MCTP1: variants seen among roughly 807,000 people sequenced by gnomAD.
The protein encoded by MCTP1 is multiple C2 and transmembrane domain-containing protein 1.
MCTP1 carries 69 observed loss-of-function variants against 120.6 expected under a neutral mutation model. The ratio of observed to expected loss-of-function variants is 0.57; its 90% CI spans 0.47 to 0.70. The LOEUF (loss-of-function observed/expected upper bound fraction) is 0.70. Among genes scored for constraint, MCTP1 ranks in the 30% least tolerant of loss-of-function variants. The probability of loss-of-function intolerance (pLI) is 0.00; values close to 1 mark genes in which losing one functional copy is unlikely to be tolerated. For missense variants in MCTP1, 1,203 were observed against 1,248.8 expected (o/e 0.96, Z 0.55); for synonymous variants, 529 against 493.1 (o/e 1.07, Z -0.96).
At chr5:94,731,195 T>C (rs1228950551) in intron 19 of MCTP1, among the ~76,000 whole-genome samples, 1 of 152,126 alleles carries the variant, frequency 6.6e-6, no homozygotes, top group Non-Finnish European at 1.5e-5. Context: ...TTGTTTTGAG[T>C]TTAATTTAGG....
At chr5:94,731,990 A>G (rs1271635175) in intron 19 of MCTP1, among the ~76,000 whole-genome samples, 1 of 152,224 alleles carries the variant, frequency 6.6e-6, no homozygotes, top group Non-Finnish European at 1.5e-5. Flanking sequence ...CAGTGATACC[A>G]GGTAGCATTA....
chr5:95,069,384 A>T (rs973274692), intron 1 of MCTP1, among the ~76,000 whole-genome samples: 2 of 152,202 alleles, frequency 1.3e-5, no homozygotes, highest in Non-Finnish European at 2.9e-5. Flanking sequence ...TAATTCAAAC[A>T]TAATAAAGTA....
chr5:94,836,570 T>C (rs1335452267), intron 17 of MCTP1, among the ~76,000 whole-genome samples: 3 of 152,184 alleles, frequency 2.0e-5, no homozygotes, highest in African/African-American at 7.2e-5. Flanking sequence ...TGAGATTTAA[T>C]GCTGGAAGAT....
intron 1 of MCTP1, among the ~76,000 whole-genome samples, chr5:95,208,734 A>T (rs1012615356): frequency 2.6e-5 from 4 of 152,068 alleles, no homozygotes; most frequent in Non-Finnish European, 5.9e-5. Flanking sequence ...TTCAGAAAAA[A>T]AAAAAAAAAG....
intron 2 of MCTP1, among the ~76,000 whole-genome samples, chr5:94,967,257 C>T (rs1192692927): frequency 6.6e-6 from 1 of 152,134 alleles, no homozygotes; most frequent in Non-Finnish European, 1.5e-5. Context: ...GGGTGGTCTG[C>T]TGGGTCTTAA....
chr5:94,711,930 A>C (rs1757188834), intron 20 of MCTP1, among the ~76,000 whole-genome samples: 2 of 152,070 alleles, frequency 1.3e-5, no homozygotes, highest in South Asian at 4.1e-4. Context: ...TGCCAAAATC[A>C]TAAAGAAAAT....
chr5:95,063,156 T>C (rs1284976438), intron 1 of MCTP1, among the ~76,000 whole-genome samples: 1 of 152,214 alleles, frequency 6.6e-6, no homozygotes, highest in Non-Finnish European at 1.5e-5. Flanking sequence ...CTCTGAATAA[T>C]TTTTAAAACA....
At chr5:94,815,658 G>T (rs756548303) in intron 17 of MCTP1, among the ~76,000 whole-genome samples, 1 of 152,184 alleles carries the variant, frequency 6.6e-6, no homozygotes, top group Non-Finnish European at 1.5e-5. Flanking sequence ...CCGCTCAGTG[G>T]CAACTCTGGA....
chr5:94,922,623 G>A (rs922123284), intron 7 of MCTP1, among the ~76,000 whole-genome samples: 2 of 152,002 alleles, frequency 1.3e-5, no homozygotes, highest in African/African-American at 2.4e-5. Flanking sequence ...TGAGTAGCTG[G>A]GATTACATGC....
chr5:94,975,121 A>G (rs1218115826), intron 2 of MCTP1, among the ~76,000 whole-genome samples: 1 of 152,088 alleles, frequency 6.6e-6, no homozygotes, highest in East Asian at 1.9e-4. Flanking sequence ...GCAGCAGTGA[A>G]GCTTGAATAA....
At chr5:95,194,439 C>T (rs145208843) in intron 1 of MCTP1, among the ~76,000 whole-genome samples, 1 of 152,034 alleles carries the variant, frequency 6.6e-6, no homozygotes, top group African/African-American at 2.4e-5. Flanking sequence ...AAGAGGAGAG[C>T]AAAGCTTATC....
In MCTP1 at chr5:95,049,721, T is replaced by C. The variant is rs112103987; in HGVS notation, c.721-32237A>G. ...CATCCTTTACCATGATGCGCAGACA[T>C]AGTATTTTCAAATTCATCAAACCAG... is the stretch of plus-strand genomic sequence containing the variant. On this transcript the variant is annotated intron_variant, in intron 1 of 22. Transcript: ENST00000515393. Among the ~76,000 whole-genome samples, 991 of 152,182 alleles carry C rather than the reference T, an allele frequency of 6.5e-3. 12 individuals carry two copies. The highest frequency in any genetic ancestry group is 0.023 in the African/African-American group (949 of 41,506).
intron 2 of MCTP1, among the ~76,000 whole-genome samples, chr5:94,998,374 T>C (rs750740826): frequency 6.6e-6 from 1 of 152,218 alleles, no homozygotes; most frequent in Non-Finnish European, 1.5e-5. Context: ...GAAAAGGATT[T>C]GGTCATGGAC....
chr5:94,709,847 GC>G (rs1021384941), intron 21 of MCTP1: 4 of 152,166 alleles, frequency 2.6e-5, no homozygotes, highest in African/African-American at 9.6e-5. Context: ...GGCAAGTTGG[GC>G]CAAAAAGAAT....
chr5:94,989,339 T>C (rs1011038518), intron 2 of MCTP1, among the ~76,000 whole-genome samples: 37 of 152,226 alleles, frequency 2.4e-4, no homozygotes, highest in Admixed American at 2.0e-4. Flanking sequence ...GCTATTGTGA[T>C]ATAACAGATT....
intron 1 of MCTP1, among the ~76,000 whole-genome samples, chr5:95,237,007 G>A (rs1166001856): frequency 6.6e-6 from 1 of 152,126 alleles, no homozygotes; most frequent in Admixed American, 6.5e-5. Flanking sequence ...TATAATTCTT[G>A]TAGTCTAAGC....
At chr5:94,871,000 C>T (rs774720931) in intron 14 of MCTP1, 27 bp from the exon 15 acceptor site, 1 of 1,576,658 alleles carries the variant, frequency 6.3e-7, no homozygotes, top group Admixed American at 1.7e-5. Flanking sequence ...TGACAGCCGT[C>T]TGTCTCGCGG....
At chr5:94,709,269 C>T (rs753727129) in intron 21 of MCTP1, 3 of 152,088 alleles carry the variant, frequency 2.0e-5, no homozygotes, top group Non-Finnish European at 2.9e-5. Flanking sequence ...TCCATCTCCT[C>T]ATGTAAGACC....
At chr5:95,230,800 A>G (rs536964252) in intron 1 of MCTP1, among the ~76,000 whole-genome samples, 1 of 152,372 alleles carries the variant, frequency 6.6e-6, no homozygotes, top group Admixed American at 6.5e-5. Flanking sequence ...TTTGACGTGA[A>G]TTGACACTGA....
Sources: gnomAD v4.1 joint callset for allele counts (sites outside exome capture counted in the v4.1 genomes callset) on GRCh38, gnomAD v4.1.1 for gene constraint, MANE v1.5 for transcripts, NCBI Gene and HGNC (gene_info 2026-07-23, HGNC 2026-07-21) for gene names.